The following STK33 variants were observed in gnomAD, a reference collection of about 807,000 sequenced individuals.
STK33 encodes serine/threonine kinase 33.
In STK33, 52 loss-of-function variants were observed where a neutral mutation model predicts 58.0. That is an observed-to-expected ratio of 0.90 (90% confidence interval 0.72 to 1.13). The LOEUF (loss-of-function observed/expected upper bound fraction) is 1.13. STK33 is among the 50% of genes most tolerant of loss of function. The pLI is 0.00. For missense variants in STK33, 630 were observed against 604.2 expected (o/e 1.04, Z -0.45); for synonymous variants, 215 against 200.1 (o/e 1.07, Z -0.63).
intron 14 of STK33, among the ~76,000 whole-genome samples, chr11:8,422,497 C>G (rs1394486715): frequency 1.3e-5 from 2 of 151,974 alleles, no homozygotes; most frequent in African/African-American, 4.8e-5. Flanking sequence ...AAATTTTTCT[C>G]TTTTGAGGGG....
intron 1 of STK33, among the ~76,000 whole-genome samples, chr11:8,537,232 A>T (rs1023022389): frequency 6.6e-6 from 1 of 151,782 alleles, no homozygotes; most frequent in Admixed American, 6.6e-5. Context: ...CGCCGACCTC[A>T]GCCTCCCAAA....
chr11:8,348,259 C>T, the STK33 span, among the ~76,000 whole-genome samples: 27 of 152,306 alleles, frequency 1.8e-4, no homozygotes, highest in African/African-American at 5.8e-4. Flanking sequence ...AAAGACATAC[C>T]TGAGACTGGG....
At chr11:8,406,631 T>C (rs1365647085) in intron 15 of STK33, among the ~76,000 whole-genome samples, 2 of 152,178 alleles carry the variant, frequency 1.3e-5, no homozygotes, top group Non-Finnish European at 2.9e-5. Context: ...TTTGTGGCAA[T>C]TAGTATTTTA....
At chr11:8,398,258 A>C (rs1214066497) in intron 15 of STK33, among the ~76,000 whole-genome samples, 1 of 152,226 alleles carries the variant, frequency 6.6e-6, no homozygotes, top group African/African-American at 2.4e-5. Context: ...CTAACAGCTG[A>C]TCTCTCAGCA....
chr11:8,453,629 T>A (rs553382925), intron 10 of STK33, among the ~76,000 whole-genome samples: 1 of 152,342 alleles, frequency 6.6e-6, no homozygotes, highest in South Asian at 2.1e-4. Flanking sequence ...ATATTCAGTA[T>A]GTGGCTTTGG....
At chr11:8,550,146 AG>A (rs1477388207) in intron 1 of STK33, among the ~76,000 whole-genome samples, 1 of 152,230 alleles carries the variant, frequency 6.6e-6, no homozygotes, top group Non-Finnish European at 1.5e-5. Flanking sequence ...TTATTGTAAC[AG>A]TTTTGAAGAA....
chr11:8,355,864 CCAT>C, the STK33 span, among the ~76,000 whole-genome samples: 61 of 152,284 alleles, frequency 4.0e-4, no homozygotes, highest in African/African-American at 1.3e-3. Flanking sequence ...GTTGCTGTCA[CCAT>C]CACCATCACC....
chr11:8,488,306 A>T (rs996389641), intron 1 of STK33, among the ~76,000 whole-genome samples: 1 of 152,154 alleles, frequency 6.6e-6, no homozygotes, highest in Non-Finnish European at 1.5e-5. Flanking sequence ...TTAAAAGAAA[A>T]AGCTGGAAAA....
At chr11:8,380,001 T>C in the STK33 span, among the ~76,000 whole-genome samples, 1 of 152,366 alleles carries the variant, frequency 6.6e-6, no homozygotes, top group East Asian at 1.9e-4. Flanking sequence ...GGTGTTTATA[T>C]ACCACATTTT....
At chr11:8,419,335 G>A (rs1174741094) in intron 14 of STK33, among the ~76,000 whole-genome samples, 1 of 152,178 alleles carries the variant, frequency 6.6e-6, no homozygotes. Context: ...TTATCGAATA[G>A]AAAGTCCTTT....
chr11:8,361,475 A>G, the STK33 span, among the ~76,000 whole-genome samples: 3 of 40,646 alleles, frequency 7.4e-5, no homozygotes, highest in Admixed American at 8.5e-4. This position sits in a 1 kb window ranked among gnomAD's most constrained non-coding sequence, Gnocchi z 4.8. Flanking sequence ...CCCAGCCCCC[A>G]CCCACCTGCT....
In STK33 at chr11:8,436,691, C is replaced by T. The variant is rs560109526; in HGVS notation, c.948-552G>A. The stretch of plus-strand genomic sequence containing the variant: ...AACAAAAATAAACCAAGACTAACCC[C>T]GGGAATTTCTTCTTTTTATTTTTTG... On this transcript the variant is annotated intron_variant, in intron 12 of 15. Transcript: ENST00000687296. Among the ~76,000 whole-genome samples, 27 of 152,152 alleles carry T rather than the reference C, an allele frequency of 1.8e-4. No individual in the cohort carries two copies. The South Asian group carries it at 5.4e-3, about 30-fold the overall frequency.
chr11:8,473,685 T>C (rs1022504283), intron 5 of STK33, among the ~76,000 whole-genome samples: 2 of 152,180 alleles, frequency 1.3e-5, no homozygotes, highest in Admixed American at 6.5e-5. Context: ...GAAAATAACA[T>C]AGTAACAACT....
At chr11:8,447,117 A>G (rs187791349) in intron 11 of STK33, among the ~76,000 whole-genome samples, 8 of 152,194 alleles carry the variant, frequency 5.3e-5, no homozygotes, top group African/African-American at 1.7e-4. Context: ...TAAACTTACA[A>G]GAAAAGAACA....
At chr11:8,538,016 G>T (rs142428952) in intron 1 of STK33, among the ~76,000 whole-genome samples, 1 of 151,672 alleles carries the variant, frequency 6.6e-6, no homozygotes, top group Non-Finnish European at 1.5e-5. Flanking sequence ...GCGAAACCTC[G>T]TCTCTACCAA....
At chr11:8,410,465 C>CTT (rs1940024182) in intron 15 of STK33, among the ~76,000 whole-genome samples, 2 of 109,180 alleles carry the variant, frequency 1.8e-5, no homozygotes, top group Non-Finnish European at 3.6e-5. Context: ...ATTTTCTTTT[C>CTT]TTTTCTTTTT....
intron 1 of STK33, among the ~76,000 whole-genome samples, chr11:8,564,444 T>C (rs1410433009): frequency 6.6e-6 from 1 of 152,204 alleles, no homozygotes; most frequent in Non-Finnish European, 1.5e-5. Flanking sequence ...TACTTTATAC[T>C]GCTAGGTTAA....
the STK33 span, among the ~76,000 whole-genome samples, chr11:8,344,868 C>A: frequency 6.6e-6 from 1 of 152,222 alleles, no homozygotes; most frequent in Non-Finnish European, 1.5e-5. Flanking sequence ...GCGGTGCAGA[C>A]CCTGCCAGGC....
intron 1 of STK33, among the ~76,000 whole-genome samples, chr11:8,563,150 A>C (rs544381231): frequency 6.6e-6 from 1 of 152,126 alleles, no homozygotes; most frequent in Non-Finnish European, 1.5e-5. Flanking sequence ...TATCTGGGTA[A>C]GTAGGGCCTT....
Sources: allele counts gnomAD v4.1 joint callset (sites outside exome capture counted in the v4.1 genomes callset), GRCh38; gene constraint gnomAD v4.1.1; non-coding constraint Gnocchi (gnomAD v3.1); transcripts MANE v1.5; gene names NCBI Gene and HGNC (gene_info 2026-07-23, HGNC 2026-07-21).